The following RPS6KA2 variants were observed in gnomAD, a reference collection of about 807,000 sequenced individuals.
RPS6KA2 encodes the protein ribosomal protein S6 kinase alpha-2.
In RPS6KA2, 42 loss-of-function variants were observed where a neutral mutation model predicts 91.8. The observed-to-expected ratio is 0.46, with a 90% confidence interval of 0.36 to 0.59. RPS6KA2 has a LOEUF of 0.59. RPS6KA2 is among the 20% of genes least tolerant of loss of function. The pLI, the probability that RPS6KA2 is intolerant of heterozygous loss-of-function variation, is 0.00. For synonymous variants in RPS6KA2, 414 were observed against 393.6 expected (o/e 1.05, Z -0.61); for missense variants, 798 against 978.5 (o/e 0.82, Z 2.46).
intron 12 of RPS6KA2, among the ~76,000 whole-genome samples, chr6:166,453,452 CA>C (rs1280623619): frequency 6.6e-6 from 1 of 151,950 alleles, no homozygotes; most frequent in Admixed American, 6.6e-5. Flanking sequence ...TACAGATGGC[CA>C]AACAGCATAT....
In RPS6KA2 at chr6:166,582,809, G is replaced by A. The variant is rs114335671; in HGVS notation, c.100-44025C>T. On this transcript the variant is annotated intron_variant, in intron 1 of 20. Transcript: ENST00000265678. ...GCTATTATGCATCCAATGTGCAGAG[G>A]AAGAAAAAACAAAACACAAAAAAAC... Among the ~76,000 whole-genome samples, 391 of 152,200 alleles carry A rather than the reference G, an allele frequency of 2.6e-3. 2 individuals carry two copies. Among genetic ancestry groups the A allele is most frequent in the African/African-American group, 9.1e-3 (378 of 41,534 alleles).
chr6:166,412,854 T>C lies in RPS6KA2; in HGVS notation c.2110A>G (p.Arg704Gly), dbSNP rs571045780. 1.3e-6 allele frequency: 2 copies of C among 1,566,946 alleles called. No homozygotes were observed. The highest frequency in any genetic ancestry group is 2.3e-5 in the East Asian group (1 of 42,798). Residue 704 changes from arginine (R) to glycine (G), a missense_variant, in exon 21 of 21, where the codon AGA (arginine) becomes GGA (glycine). Coordinates refer to ENST00000265678, the MANE Select transcript of RPS6KA2 (RefSeq NM_021135.6). The surrounding 1 kb of genome is among the most constrained non-coding windows in gnomAD (Gnocchi z 4.3). Reference sequence around the variant, plus strand: ...TCCAGCCGCGGGGCCTGAGGTGTTCTGTTTAGAGCAAAGTAGGTGGCGGCC... The same window carrying C: ...TCCAGCCGCGGGGCCTGAGGTGTTCCGTTTAGAGCAAAGTAGGTGGCGGCC... ...AMAATYFALNRTPQAPRLEPV... is the reference protein window; with the variant it reads ...AMAATYFALNGTPQAPRLEPV...
intron 1 of RPS6KA2, among the ~76,000 whole-genome samples, chr6:166,566,098 G>A (rs966509300): frequency 1.3e-5 from 2 of 152,240 alleles, no homozygotes; most frequent in African/African-American, 4.8e-5. Context: ...TCAAAGTTCA[G>A]TGTGAGGTGT....
chr6:166,576,836 G>A (rs1784849815), intron 1 of RPS6KA2, among the ~76,000 whole-genome samples: 1 of 152,198 alleles, frequency 6.6e-6, no homozygotes, highest in African/African-American at 2.4e-5. Context: ...CCGAGACAAT[G>A]GGGAAAATGT....
intron 2 of RPS6KA2, among the ~76,000 whole-genome samples, chr6:166,776,421 AT>A (rs974374421): frequency 6.6e-6 from 1 of 151,998 alleles, no homozygotes; most frequent in South Asian, 2.1e-4. Context: ...TTGTGTTTTA[AT>A]TTTTTTTATA....
chr6:166,440,653 G>C (rs1265348672), intron 14 of RPS6KA2, among the ~76,000 whole-genome samples: 1 of 152,208 alleles, frequency 6.6e-6, no homozygotes, highest in Non-Finnish European at 1.5e-5. Flanking sequence ...ATGTAGGAAT[G>C]CTACGTTTTC....
Position 166,726,227 on chromosome 6 carries a change from TAGA to T in RPS6KA2, c.123+131970_123+131972del, listed in dbSNP as rs1790334316. On this transcript the variant is annotated intron_variant, in intron 2 of 21. Transcript: ENST00000503859. The surrounding 1 kb of genome is among the most constrained non-coding windows in gnomAD (Gnocchi z 4.4). ...TCCTAGCCACGGCCATCTGATGTGG[TAGA>T]AGAATAAACTGAAAAGCAGACAGTA... 6.6e-6 allele frequency among the ~76,000 whole-genome samples: 1 copy of T among 151,940 alleles called. No homozygotes were observed. The highest frequency in any genetic ancestry group is 1.5e-5 in the Non-Finnish European group (1 of 68,004).
At chr6:166,596,319 AG>A (rs1455562344) in intron 1 of RPS6KA2, among the ~76,000 whole-genome samples, 5 of 152,178 alleles carry the variant, frequency 3.3e-5, no homozygotes, top group African/African-American at 1.2e-4. Flanking sequence ...TGTGTCTGTG[AG>A]GGTGCTGCCG....
chr6:166,787,183 T>G (rs9457212), intron 2 of RPS6KA2, among the ~76,000 whole-genome samples: 1 of 152,020 alleles, frequency 6.6e-6, no homozygotes. Context: ...AGATAAAGAC[T>G]GATGTATGTG....
chr6:166,697,488 G>A (rs909540941), intron 2 of RPS6KA2, among the ~76,000 whole-genome samples: 4 of 152,208 alleles, frequency 2.6e-5, no homozygotes, highest in Non-Finnish European at 2.9e-5. Flanking sequence ...TAAAGATGAA[G>A]CCACTGTCGT....
intron 2 of RPS6KA2, among the ~76,000 whole-genome samples, chr6:166,632,398 A>C (rs1330987101): frequency 2.0e-5 from 3 of 152,146 alleles, no homozygotes; most frequent in Admixed American, 6.5e-5. Flanking sequence ...AGATCACCTG[A>C]GATCAGGAGT....
chr6:166,715,536 C>T (rs1188712457), intron 2 of RPS6KA2, among the ~76,000 whole-genome samples: 1 of 152,230 alleles, frequency 6.6e-6, no homozygotes, highest in Non-Finnish European at 1.5e-5. Context: ...ACAACAGATG[C>T]AAGCACAGCC....
At chr6:166,512,834 G>A (rs551628858) in intron 3 of RPS6KA2, among the ~76,000 whole-genome samples, 1 of 152,198 alleles carries the variant, frequency 6.6e-6, no homozygotes, top group African/African-American at 2.4e-5. Context: ...GCCGCTTCAG[G>A]TGTCATTGCA....
intron 1 of RPS6KA2, among the ~76,000 whole-genome samples, chr6:166,622,469 T>C (rs1183387616): frequency 6.6e-6 from 1 of 152,228 alleles, no homozygotes; most frequent in African/African-American, 2.4e-5. Context: ...TAAACATAAT[T>C]TCTTTGGGAG....
chr6:166,485,000 G>A (rs781088438), intron 10 of RPS6KA2, among the ~76,000 whole-genome samples: 2 of 152,140 alleles, frequency 1.3e-5, no homozygotes, highest in Admixed American at 1.3e-4. Flanking sequence ...GCACCGTGCC[G>A]GGGGAAACCT....
intron 2 of RPS6KA2, among the ~76,000 whole-genome samples, chr6:166,537,404 T>A (rs879212075): frequency 6.6e-6 from 1 of 152,276 alleles, no homozygotes; most frequent in Admixed American, 6.5e-5. Flanking sequence ...GTAATGGCTA[T>A]TAACATCGTG....
chr6:166,803,367 G>C (rs1779417063), intron 2 of RPS6KA2, among the ~76,000 whole-genome samples: 1 of 152,190 alleles, frequency 6.6e-6, no homozygotes, highest in African/African-American at 2.4e-5. Context: ...TTGCTGAGCT[G>C]ATACGCTAAT....
intron 2 of RPS6KA2, among the ~76,000 whole-genome samples, chr6:166,683,779 G>C (rs763730976): frequency 1.3e-5 from 2 of 152,250 alleles, no homozygotes; most frequent in Non-Finnish European, 2.9e-5. Flanking sequence ...GCTGGTAGCT[G>C]AATCTCGTCC....
rs192939372 is a variant in RPS6KA2 at position 166,478,215 on chromosome 6, C to T, written c.908-8310G>A. ...GGGTCGCGGTGCCTGCCACCTGAGGCGGCACGTCCCTTGCACATATGCTCA... is the reference window on the plus strand; with the variant it reads ...GGGTCGCGGTGCCTGCCACCTGAGGTGGCACGTCCCTTGCACATATGCTCA... On this transcript the variant is annotated intron_variant, in intron 10 of 20. Coordinates refer to ENST00000265678, the MANE Select transcript of RPS6KA2 (RefSeq NM_021135.6). 5.4e-4 allele frequency among the ~76,000 whole-genome samples: 83 copies of T among 152,304 alleles called. 1 individual carries two copies. The highest frequency in any genetic ancestry group is 1.9e-3 in the African/African-American group (80 of 41,576).
Sources: gnomAD v4.1 joint callset for allele counts (sites outside exome capture counted in the v4.1 genomes callset) on GRCh38, gnomAD v4.1.1 for gene constraint, Gnocchi (gnomAD v3.1) non-coding constraint, MANE v1.5 for transcripts, NCBI Gene and HGNC (gene_info 2026-07-23, HGNC 2026-07-21) for gene names.